The following TET1 variants were observed in gnomAD, a reference collection of about 807,000 sequenced individuals.
TET1 encodes tet methylcytosine dioxygenase 1.
A neutral mutation model predicts 148.7 loss-of-function variants in TET1; 13 were observed. The observed-to-expected ratio is 0.09, with a 90% CI of 0.06 to 0.14. The LOEUF (loss-of-function observed/expected upper bound fraction) is 0.14. Ranked by LOEUF, TET1 falls within the 10% of genes least tolerant of loss-of-function variation. The pLI is 1.00. For synonymous variants in TET1, 907 were observed against 937.2 expected (o/e 0.97, Z 0.59); for missense variants, 2,182 against 2,553.8 (o/e 0.85, Z 3.14).
intron 2 of TET1, among the ~76,000 whole-genome samples, chr10:68,582,878 A>C (rs543765952): frequency 1.3e-5 from 2 of 152,310 alleles, no homozygotes; most frequent in East Asian, 3.9e-4. Flanking sequence ...TGCACCACAG[A>C]ACTGGACTTG....
intron 3 of TET1, among the ~76,000 whole-genome samples, chr10:68,637,862 C>T (rs905443936): frequency 4.5e-4 from 68 of 149,528 alleles, no homozygotes; most frequent in Non-Finnish European, 8.3e-4. Flanking sequence ...GAGTGAGACT[C>T]CGTCTCAAAA....
At chr10:68,594,143 C>A (rs2132849454) in intron 2 of TET1, among the ~76,000 whole-genome samples, 1 of 152,096 alleles carries the variant, frequency 6.6e-6, no homozygotes, top group South Asian at 2.1e-4. Context: ...CCAGGCTGGT[C>A]TCAAACTCCT....
In TET1 at chr10:68,572,101, G is replaced by A; in HGVS notation, c.-122-116G>A. 9.3e-6 allele frequency: 4 copies of A among 430,254 alleles called. No homozygotes were observed. The South Asian group carries it at 1.2e-4, about 13-fold the overall frequency. The allele number at this position is 430,254 out of a possible 1,614,324, so 26.7% of individuals were successfully genotyped here. A position where few individuals can be genotyped will look rare whatever the true frequency, so the allele number is the denominator to read the frequency against. On this transcript the variant is annotated intron_variant, in intron 1 of 11. Coordinates refer to ENST00000373644, the MANE Select transcript of TET1 (RefSeq NM_030625.3). The stretch of plus-strand genomic sequence containing the variant: ...CCTCTGCACTCCAGCCTGGGCAACA[G>A]AATGAGACCCTGTCTCAAAAAAATA...
intron 2 of TET1, among the ~76,000 whole-genome samples, chr10:68,598,314 C>T (rs1320317138): frequency 6.6e-6 from 1 of 152,188 alleles, no homozygotes; most frequent in African/African-American, 2.4e-5. Flanking sequence ...TCATTTGAAC[C>T]CGGAAGGCGG....
chr10:68,598,114 C>T (rs1266824244), intron 2 of TET1, among the ~76,000 whole-genome samples: 1 of 152,170 alleles, frequency 6.6e-6, no homozygotes, highest in Non-Finnish European at 1.5e-5. Flanking sequence ...ATGGGCTGGG[C>T]GCAGTGGCTC....
chr10:68,675,174 G>C (rs2055332515), intron 8 of TET1: 3 of 308,716 alleles, frequency 9.7e-6, no homozygotes, highest in Admixed American at 9.0e-5. Context: ...TCTGTTAGTT[G>C]ATAAACATAA....
rs1160990895 is a variant in TET1 at position 68,673,928 on chromosome 10, TC to T, written c.4824+884del. ...ACATCATTTTTTTATCAGATTTCTT[TC>T]TTTTTCTTTTTTTTTTTTCTTTTTC... On this transcript the variant is annotated intron_variant, in intron 8 of 11. Coordinates refer to ENST00000373644, the MANE Select transcript of TET1 (RefSeq NM_030625.3). Among the ~76,000 whole-genome samples the T allele has an allele frequency of 3.0e-3, 326 of 107,786 alleles. 1 individual carries two copies. Among genetic ancestry groups the T allele is most frequent in the African/African-American group, 0.014 (305 of 22,568 alleles). 70.7% of individuals were successfully genotyped at this position (107,786 alleles called of 152,430 possible).
At chr10:68,676,157 T>TTGTGTGTGTG (rs112413582) in intron 8 of TET1, among the ~76,000 whole-genome samples, 9,064 of 129,054 alleles carry the variant, frequency 0.07, 458 homozygotes, top group East Asian at 0.11. Context: ...ACCTGGCCTT[T>TTGTGTGTGTG]TGTGTGTGTG....
intron 4 of TET1, 132 bp downstream of exon 4, chr10:68,647,137 T>C (rs2054862770): frequency 1.0e-6 from 1 of 983,594 alleles, no homozygotes; most frequent in African/African-American, 1.7e-5. Context: ...ATGGATTAAG[T>C]AAATCTATAA....
At chr10:68,650,754 C>T (rs958974119) in intron 4 of TET1, among the ~76,000 whole-genome samples, 3 of 152,206 alleles carry the variant, frequency 2.0e-5, no homozygotes, top group Non-Finnish European at 2.9e-5. Flanking sequence ...ATTCATGAAA[C>T]GCAGAAATTC....
chr10:68,577,208 C>T (rs763471792), intron 2 of TET1, among the ~76,000 whole-genome samples: 1 of 151,976 alleles, frequency 6.6e-6, no homozygotes, highest in Non-Finnish European at 1.5e-5. Flanking sequence ...CCGTGCCCAG[C>T]CTTAATTTTT....
At chr10:68,685,572 A>G (rs550352482) in intron 10 of TET1, among the ~76,000 whole-genome samples, 3 of 152,132 alleles carry the variant, frequency 2.0e-5, no homozygotes, top group Non-Finnish European at 4.4e-5. Context: ...TATTAGTTTT[A>G]TAATAAAATG....
intron 3 of TET1, among the ~76,000 whole-genome samples, chr10:68,624,796 A>G (rs1481312232): frequency 1.4e-5 from 2 of 148,096 alleles, no homozygotes; most frequent in African/African-American, 5.0e-5. Flanking sequence ...CAGTGGCGCA[A>G]TCTCAGCTCA....
chr10:68,581,678 C>CA (rs1229894692), intron 2 of TET1, among the ~76,000 whole-genome samples: 1 of 151,696 alleles, frequency 6.6e-6, no homozygotes, highest in Non-Finnish European at 1.5e-5. Context: ...CCCGTTTCTC[C>CA]AAAAAAATAC....
chr10:68,668,611 C>T (rs1223812465), intron 7 of TET1, among the ~76,000 whole-genome samples: 1 of 152,158 alleles, frequency 6.6e-6, no homozygotes, highest in Non-Finnish European at 1.5e-5. Flanking sequence ...GACGGAGTCT[C>T]GCTCTGTCAC....
At chr10:68,637,991 G>A (rs1398915698) in intron 3 of TET1, among the ~76,000 whole-genome samples, 5 of 152,168 alleles carry the variant, frequency 3.3e-5, no homozygotes, top group Non-Finnish European at 5.9e-5. Flanking sequence ...TGTTGGCCAG[G>A]CTGGTCTTGA....
chr10:68,676,808 T>G (rs1319036087), intron 8 of TET1, among the ~76,000 whole-genome samples: 1 of 152,196 alleles, frequency 6.6e-6, no homozygotes, highest in Non-Finnish European at 1.5e-5. Flanking sequence ...ACTGAAACAT[T>G]ATAGTTGTGC....
At chr10:68,690,014 C>T (rs187709185) in intron 11 of TET1, among the ~76,000 whole-genome samples, 56 of 152,280 alleles carry the variant, frequency 3.7e-4, no homozygotes, top group Admixed American at 8.5e-4. Context: ...TAACCTTGGA[C>T]TTTGCCAGTT....
intron 11 of TET1, 49 bp downstream of exon 11, chr10:68,686,756 T>C (rs2055517202): frequency 6.6e-7 from 1 of 1,524,180 alleles, no homozygotes; most frequent in Non-Finnish European, 8.9e-7. Flanking sequence ...GATGGATAGA[T>C]GTGTTTGGAC....
Sources: allele counts gnomAD v4.1 joint callset (sites outside exome capture counted in the v4.1 genomes callset), GRCh38; gene constraint gnomAD v4.1.1; transcripts MANE v1.5; gene names NCBI Gene and HGNC (gene_info 2026-07-23, HGNC 2026-07-21).